CRACR2A: variants seen among roughly 807,000 people sequenced by gnomAD.
CRACR2A encodes the protein calcium release activated channel regulator 2A, also known as EF-hand calcium-binding domain-containing protein 4B.
A neutral mutation model predicts 90.5 loss-of-function variants in CRACR2A; 79 were observed. The ratio of observed to expected loss-of-function variants is 0.87; its 90% confidence interval spans 0.73 to 1.05. The LOEUF (loss-of-function observed/expected upper bound fraction) is 1.05, where lower values mean the gene tolerates loss of function less well. Ranked by LOEUF, CRACR2A falls within the 50% of genes least tolerant of loss-of-function variation. CRACR2A has a pLI of 0.00. For missense variants in CRACR2A, 823 were observed against 897.2 expected (o/e 0.92, Z 1.06); for synonymous variants, 338 against 356.7 (o/e 0.95, Z 0.59).
At chr12:3,689,478 A>G (rs1945617695) in intron 4 of CRACR2A, among the ~76,000 whole-genome samples, 1 of 152,176 alleles carries the variant, frequency 6.6e-6, no homozygotes, top group African/African-American at 2.4e-5. Context: ...AGTTTTGTTT[A>G]TGTGATGAAT....
chr12:3,690,792 C>A (rs1945637973), intron 4 of CRACR2A, among the ~76,000 whole-genome samples: 1 of 152,174 alleles, frequency 6.6e-6, no homozygotes, highest in Admixed American at 6.5e-5. Flanking sequence ...GTGTGGGAGT[C>A]TAAGTCTCTT....
chr12:3,671,148 C>T (rs532308293), intron 7 of CRACR2A, among the ~76,000 whole-genome samples: 1 of 152,310 alleles, frequency 6.6e-6, no homozygotes, highest in South Asian at 2.1e-4. Flanking sequence ...TTGTTTCTTC[C>T]TGCAGAAATG....
intron 11 of CRACR2A, among the ~76,000 whole-genome samples, chr12:3,644,919 A>G (rs1375339994): frequency 6.6e-6 from 1 of 152,206 alleles, no homozygotes; most frequent in African/African-American, 2.4e-5. Context: ...GGCACTGCCT[A>G]CAGAGGGGAC....
At chr12:3,693,398 T>C (rs754814872) in intron 4 of CRACR2A, among the ~76,000 whole-genome samples, 1 of 152,200 alleles carries the variant, frequency 6.6e-6, no homozygotes, top group Admixed American at 6.5e-5. Flanking sequence ...CCCTGTCTGA[T>C]GGACAAGACC....
intron 17 of CRACR2A, among the ~76,000 whole-genome samples, chr12:3,624,884 T>C (rs371526342): frequency 6.6e-6 from 1 of 152,228 alleles, no homozygotes; most frequent in East Asian, 1.9e-4. Context: ...AGCGCTTGTT[T>C]AGCCGGGAAC....
At chr12:3,636,402 G>A (rs940195590) in intron 14 of CRACR2A, among the ~76,000 whole-genome samples, 1 of 152,186 alleles carries the variant, frequency 6.6e-6, no homozygotes, top group Non-Finnish European at 1.5e-5. Flanking sequence ...GCAGGACCTC[G>A]TGGAGTGGGC....
intron 4 of CRACR2A, among the ~76,000 whole-genome samples, chr12:3,683,242 G>A (rs568516176): frequency 2.0e-5 from 3 of 152,332 alleles, no homozygotes; most frequent in East Asian, 3.9e-4. Context: ...TTGAGCAACT[G>A]TCTAATAGTT....
At position 3,619,314 on chromosome 12, in the gene CRACR2A, T is replaced by C; in HGVS notation, c.1991A>G (p.Lys664Arg). The change falls in exon 18 of 20, where the codon AAG (lysine) becomes AGG (arginine). Residue 664 changes from lysine to arginine, a missense_variant. Transcript: ENST00000440314. ...LLLGNKLDNE[K>R]EREVPRGLGE... ...GAGGCCCCGGGGGACTTCCCGCTCCTTCTCGTTGTCAAGCTTATTACCCAG... is the reference window on the plus strand; with the variant it reads ...GAGGCCCCGGGGGACTTCCCGCTCCCTCTCGTTGTCAAGCTTATTACCCAG... 6.4e-7 allele frequency: 1 copy of C among 1,551,682 alleles called. No homozygotes were observed. Among genetic ancestry groups the C allele is most frequent in the Non-Finnish European group, 8.7e-7 (1 of 1,146,994 alleles).
intron 7 of CRACR2A, among the ~76,000 whole-genome samples, chr12:3,670,667 G>A (rs1048085456): frequency 6.6e-6 from 1 of 152,098 alleles, no homozygotes; most frequent in East Asian, 1.9e-4. Context: ...GAAAACATCC[G>A]ATGTTGCCAA....
chr12:3,633,759 C>A lies in CRACR2A; in HGVS notation c.1603-23G>T. 6.4e-7 allele frequency: 1 copy of A among 1,551,454 alleles called. No homozygotes were observed. Among genetic ancestry groups the A allele is most frequent in the Non-Finnish European group, 8.7e-7 (1 of 1,146,974 alleles). On this transcript the variant is annotated intron_variant, in intron 14 of 19. Transcript: ENST00000440314. This position sits in a 1 kb window ranked among gnomAD's most constrained non-coding sequence, Gnocchi z 4.5. Reference sequence around the variant, plus strand: ...CTCCTGTGGATGGCACACAATCTGACCAACTGCAGGGAATAGTCTTGCCAG... The same window carrying A: ...CTCCTGTGGATGGCACACAATCTGAACAACTGCAGGGAATAGTCTTGCCAG...
intron 18 of CRACR2A, among the ~76,000 whole-genome samples, chr12:3,618,078 C>T (rs11062746): frequency 0.58 from 87,844 of 151,692 alleles, 25,841 homozygotes; most frequent in African/African-American, 0.68. Flanking sequence ...CATGATTTGC[C>T]TTCCTGCTTT....
chr12:3,637,082 A>G (rs961099271), intron 14 of CRACR2A, among the ~76,000 whole-genome samples: 1 of 152,242 alleles, frequency 6.6e-6, no homozygotes, highest in Non-Finnish European at 1.5e-5. Flanking sequence ...CATGAGCCAG[A>G]GGAGCCGCTT....
intron 1 of CRACR2A, among the ~76,000 whole-genome samples, chr12:3,744,867 G>A (rs1946585719): frequency 1.3e-5 from 2 of 152,190 alleles, no homozygotes; most frequent in South Asian, 4.2e-4. Context: ...TTGAGAAGAG[G>A]AAACAATTCA....
chr12:3,739,149 G>A (rs1402542862), intron 1 of CRACR2A, among the ~76,000 whole-genome samples: 1 of 152,166 alleles, frequency 6.6e-6, no homozygotes, highest in East Asian at 1.9e-4. Flanking sequence ...TGAGATTAAG[G>A]AAGAAATGAA....
At chr12:3,670,234 A>G (rs1945216346) in intron 7 of CRACR2A, among the ~76,000 whole-genome samples, 1 of 152,190 alleles carries the variant, frequency 6.6e-6, no homozygotes, top group Admixed American at 6.5e-5. Context: ...TTGAGCTGTC[A>G]TCCCCAGCTT....
At chr12:3,641,029 C>T (rs1475071746) in intron 13 of CRACR2A, among the ~76,000 whole-genome samples, 1 of 152,142 alleles carries the variant, frequency 6.6e-6, no homozygotes, top group African/African-American at 2.4e-5. Context: ...CCTTCATAGC[C>T]AATATAGTCA....
intron 10 of CRACR2A, among the ~76,000 whole-genome samples, chr12:3,649,041 G>A (rs563490654): frequency 6.6e-6 from 1 of 151,586 alleles, no homozygotes; most frequent in African/African-American, 2.4e-5. Context: ...ATGAGAACAC[G>A]GACACAGGAA....
At chr12:3,616,212 G>A (rs1412603831) in intron 19 of CRACR2A, among the ~76,000 whole-genome samples, 1 of 152,234 alleles carries the variant, frequency 6.6e-6, no homozygotes, top group African/African-American at 2.4e-5. Context: ...GCATAGAGGA[G>A]TTGTTCTGGG....
rs550646239 is a variant in CRACR2A at position 3,721,192 on chromosome 12, A to G, written c.-117-7875T>C. On this transcript the variant is annotated intron_variant, in intron 2 of 19. Transcript: ENST00000440314. ...CACCTAGCGGCTCTATTCAGCTAACATTTACAGAGTGACTCCTAGTAAAAG... is the reference window on the plus strand; with the variant it reads ...CACCTAGCGGCTCTATTCAGCTAACGTTTACAGAGTGACTCCTAGTAAAAG... Among the ~76,000 whole-genome samples, 12 of 152,204 alleles carry G rather than the reference A, an allele frequency of 7.9e-5. No individual in the cohort carries two copies. In the South Asian group the frequency reaches 2.5e-3, roughly 32 times the overall value.
Sources: allele counts gnomAD v4.1 joint callset (sites outside exome capture counted in the v4.1 genomes callset), GRCh38; gene constraint gnomAD v4.1.1; non-coding constraint Gnocchi (gnomAD v3.1); transcripts MANE v1.5; gene names NCBI Gene and HGNC (gene_info 2026-07-23, HGNC 2026-07-21).